Variants in LOC128706665 observed in about 807,000 individuals in gnomAD.
the LOC128706665 span, among the ~76,000 whole-genome samples, chr20:10,416,822 C>G: frequency 2.6e-5 from 4 of 152,122 alleles, no homozygotes; most frequent in South Asian, 8.3e-4. Context: ...CAGACTGCTG[C>G]CTGTTTTTGT....
the LOC128706665 span, among the ~76,000 whole-genome samples, chr20:10,417,245 TAAAA>T: frequency 1.5e-5 from 2 of 132,408 alleles, no homozygotes; most frequent in African/African-American, 2.8e-5. Flanking sequence ...GACTCCATCT[TAAAA>T]AAAAAAAAAA....
the LOC128706665 span, among the ~76,000 whole-genome samples, chr20:10,418,365 C>T: frequency 1.3e-5 from 2 of 152,058 alleles, no homozygotes; most frequent in African/African-American, 4.8e-5. Context: ...CTTGAGGGCT[C>T]AATATACTAT....
At chr20:10,419,426 A>G in the LOC128706665 span, among the ~76,000 whole-genome samples, 1 of 152,186 alleles carries the variant, frequency 6.6e-6, no homozygotes, top group African/African-American at 2.4e-5. Context: ...ACAAATGCCA[A>G]TAAAATTTCT....
At chr20:10,426,544 C>T in the LOC128706665 span, among the ~76,000 whole-genome samples, 5 of 152,180 alleles carry the variant, frequency 3.3e-5, no homozygotes, top group African/African-American at 1.2e-4. Flanking sequence ...AGATTACAGG[C>T]CCACGCCACC....
chr20:10,426,918 A>T, the LOC128706665 span, among the ~76,000 whole-genome samples: 1 of 152,096 alleles, frequency 6.6e-6, no homozygotes, highest in Non-Finnish European at 1.5e-5. Context: ...CTCAGTATAG[A>T]ATGACAGCAA....
the LOC128706665 span, among the ~76,000 whole-genome samples, chr20:10,426,079 T>G: frequency 6.6e-6 from 1 of 152,376 alleles, no homozygotes; most frequent in East Asian, 1.9e-4. Flanking sequence ...TGGTCTTAAA[T>G]TATTCAAAAG....
At chr20:10,429,703 C>T in the LOC128706665 span, among the ~76,000 whole-genome samples, 2 of 152,174 alleles carry the variant, frequency 1.3e-5, no homozygotes, top group Non-Finnish European at 2.9e-5. Context: ...TGCCATTTGA[C>T]ATAAGTGTTT....
the LOC128706665 span, chr20:10,431,799 A>G: frequency 4.6e-5 from 7 of 152,314 alleles, no homozygotes; most frequent in Non-Finnish European, 1.0e-4. Flanking sequence ...GCGTAGCAGA[A>G]AAGTAGAGAA....
At chr20:10,424,296 C>T in the LOC128706665 span, among the ~76,000 whole-genome samples, 1 of 152,012 alleles carries the variant, frequency 6.6e-6, no homozygotes, top group Non-Finnish European at 1.5e-5. Flanking sequence ...TGGCTCACAC[C>T]TGTTACCCCA....
At chr20:10,425,946 A>T in the LOC128706665 span, among the ~76,000 whole-genome samples, 1 of 152,244 alleles carries the variant, frequency 6.6e-6, no homozygotes, top group Non-Finnish European at 1.5e-5. Context: ...TAAATTTTAG[A>T]TCAAGTAAAA....
At chr20:10,420,424 T>C in the LOC128706665 span, 3 of 152,166 alleles carry the variant, frequency 2.0e-5, no homozygotes, top group Non-Finnish European at 4.4e-5. Context: ...AAACAACAGG[T>C]AACTTACCAA....
chr20:10,433,212 G>A, the LOC128706665 span, among the ~76,000 whole-genome samples: 1 of 152,226 alleles, frequency 6.6e-6, no homozygotes, highest in Non-Finnish European at 1.5e-5. Context: ...CGCCACGTTG[G>A]CCTGGCTGGC....
chr20:10,430,159 G>A, the LOC128706665 span, among the ~76,000 whole-genome samples: 1 of 152,190 alleles, frequency 6.6e-6, no homozygotes, highest in Middle Eastern at 3.2e-3. Flanking sequence ...AAATCCACTA[G>A]GATCTAGATC....
the LOC128706665 span, among the ~76,000 whole-genome samples, chr20:10,425,210 T>C: frequency 2.6e-5 from 4 of 152,234 alleles, no homozygotes; most frequent in African/African-American, 9.6e-5. Flanking sequence ...ATGATACACA[T>C]GCTGTTTTGT....
chr20:10,421,976 T>C, the LOC128706665 span, among the ~76,000 whole-genome samples: 1 of 152,088 alleles, frequency 6.6e-6, no homozygotes, highest in African/African-American at 2.4e-5. Context: ...TTTAGTACCA[T>C]GAAATCTCCT....
the LOC128706665 span, among the ~76,000 whole-genome samples, chr20:10,417,920 T>C: frequency 6.6e-6 from 1 of 152,156 alleles, no homozygotes; most frequent in Non-Finnish European, 1.5e-5. Context: ...GGGAAATTTT[T>C]TAAAAGGCAG....
At chr20:10,426,814 A>G in the LOC128706665 span, among the ~76,000 whole-genome samples, 1 of 152,240 alleles carries the variant, frequency 6.6e-6, no homozygotes, top group Admixed American at 6.5e-5. Flanking sequence ...CAAAAAAATT[A>G]GAGGGCAAAA....
the LOC128706665 span, chr20:10,420,793 C>T: frequency 6.6e-6 from 1 of 152,348 alleles, no homozygotes; most frequent in East Asian, 1.9e-4. Context: ...AAAAAAACCA[C>T]TAAAACCCAT....
the LOC128706665 span, among the ~76,000 whole-genome samples, chr20:10,433,695 C>T: frequency 1.6e-4 from 25 of 152,108 alleles, 1 homozygote; most frequent in Admixed American, 1.6e-3. Flanking sequence ...CGGAGGGCGG[C>T]CCCCACCTCC....
Sources: allele counts gnomAD v4.1 joint callset (sites outside exome capture counted in the v4.1 genomes callset), GRCh38; gene constraint gnomAD v4.1.1; transcripts MANE v1.5.